NRG3: variants seen among roughly 807,000 people sequenced by gnomAD.
NRG3 encodes neuregulin 3, also known as pro-neuregulin-3, membrane-bound isoform.
Under a neutral mutation model 66.9 loss-of-function variants are expected in NRG3, and 31 were observed. The ratio of observed to expected loss-of-function variants is 0.46; its 90% CI spans 0.35 to 0.63. The LOEUF (loss-of-function observed/expected upper bound fraction) is 0.63. NRG3 is among the 20% of genes least tolerant of loss of function. The probability of loss-of-function intolerance (pLI) is 0.00; values close to 1 mark genes in which losing one functional copy is unlikely to be tolerated. For synonymous variants in NRG3, 393 were observed against 359.4 expected (o/e 1.09, Z -1.06); for missense variants, 910 against 878.9 (o/e 1.04, Z -0.45).
chr10:82,320,250 G>C (rs1337789898), intron 1 of NRG3, among the ~76,000 whole-genome samples: 3 of 152,142 alleles, frequency 2.0e-5, no homozygotes, highest in African/African-American at 7.2e-5. Flanking sequence ...ATGGTGACCA[G>C]GGCAGTTTAC....
At chr10:82,402,021 T>C (rs1314115145) in intron 2 of NRG3, among the ~76,000 whole-genome samples, 1 of 152,152 alleles carries the variant, frequency 6.6e-6, no homozygotes, top group East Asian at 1.9e-4. Context: ...CAGTAATTAA[T>C]CAAATTAGGT....
At chr10:82,099,445 A>G (rs1451619247) in intron 1 of NRG3, among the ~76,000 whole-genome samples, 2 of 152,240 alleles carry the variant, frequency 1.3e-5, no homozygotes, top group East Asian at 3.9e-4. Flanking sequence ...ACATTGTCTT[A>G]ATATGGTAGC....
At chr10:82,604,884 T>C (rs1333353042) in intron 2 of NRG3, among the ~76,000 whole-genome samples, 3 of 152,130 alleles carry the variant, frequency 2.0e-5, no homozygotes, top group African/African-American at 4.8e-5. Context: ...TGTTTATTGC[T>C]GGTGTATAAG....
intron 3 of NRG3, among the ~76,000 whole-genome samples, chr10:82,810,682 G>C (rs556632355): frequency 1.0e-4 from 15 of 146,216 alleles, no homozygotes; most frequent in Non-Finnish European, 1.9e-4. Context: ...AGAATCACTT[G>C]AACCCGGGAG....
intron 1 of NRG3, among the ~76,000 whole-genome samples, chr10:82,326,535 A>T (rs553478812): frequency 6.6e-6 from 1 of 152,074 alleles, no homozygotes; most frequent in Non-Finnish European, 1.5e-5. Flanking sequence ...CATATGTTAT[A>T]TGCCTAATAT....
At chr10:82,366,557 A>C (rs1177037775) in intron 2 of NRG3, among the ~76,000 whole-genome samples, 3 of 152,188 alleles carry the variant, frequency 2.0e-5, no homozygotes, top group African/African-American at 7.2e-5. Flanking sequence ...GGTTTAAAGG[A>C]AATATTATTT....
intron 1 of NRG3, among the ~76,000 whole-genome samples, chr10:82,275,839 A>G (rs2078821965): frequency 6.6e-6 from 1 of 152,072 alleles, no homozygotes; most frequent in Non-Finnish European, 1.5e-5. Context: ...CTGTGCTTTT[A>G]CTTTAAGTTT....
intron 2 of NRG3, among the ~76,000 whole-genome samples, chr10:82,434,429 A>G (rs2090006093): frequency 1.3e-5 from 2 of 152,004 alleles, no homozygotes; most frequent in Non-Finnish European, 2.9e-5. Flanking sequence ...TCCTATTCGA[A>G]TACTCTTTAT....
chr10:81,939,747 T>C (rs998845042), intron 1 of NRG3, among the ~76,000 whole-genome samples: 1 of 151,660 alleles, frequency 6.6e-6, no homozygotes, highest in Non-Finnish European at 1.5e-5. Context: ...TTTTTTCCTA[T>C]TGTGTTTCTA....
At chr10:82,708,015 T>C (rs2056427330) in intron 2 of NRG3, among the ~76,000 whole-genome samples, 2 of 152,068 alleles carry the variant, frequency 1.3e-5, no homozygotes, top group African/African-American at 4.8e-5. Flanking sequence ...CAGTAGACTC[T>C]GTCTCAAAAT....
intron 2 of NRG3, among the ~76,000 whole-genome samples, chr10:82,584,225 T>C (rs1343691490): frequency 6.6e-6 from 1 of 152,112 alleles, no homozygotes; most frequent in Non-Finnish European, 1.5e-5. Context: ...TAGCTGGGAT[T>C]ACAGGAGTGT....
chr10:82,193,981 G>A (rs1479480152), intron 1 of NRG3, among the ~76,000 whole-genome samples: 2 of 152,164 alleles, frequency 1.3e-5, no homozygotes, highest in African/African-American at 2.4e-5. Context: ...GTTCCACAGC[G>A]AGGAAGAATT....
intron 2 of NRG3, among the ~76,000 whole-genome samples, chr10:82,442,379 T>C (rs372365013): frequency 3.4e-4 from 52 of 152,312 alleles, no homozygotes; most frequent in African/African-American, 1.2e-3. Flanking sequence ...TCATAGAAAG[T>C]TCTTTGGCCT....
At chr10:82,954,117 G>A (rs542718609) in intron 5 of NRG3, among the ~76,000 whole-genome samples, 1 of 152,044 alleles carries the variant, frequency 6.6e-6, no homozygotes, top group Admixed American at 6.5e-5. Context: ...CCTGGAGCAC[G>A]AGAGTGGTAA....
At chr10:82,777,275 G>A (rs2059945915) in intron 3 of NRG3, among the ~76,000 whole-genome samples, 1 of 152,096 alleles carries the variant, frequency 6.6e-6, no homozygotes, top group South Asian at 2.1e-4. Flanking sequence ...ATGGTTCTTG[G>A]TGATAAGGGC....
intron 3 of NRG3, among the ~76,000 whole-genome samples, chr10:82,830,405 A>G (rs1374159925): frequency 2.0e-5 from 3 of 152,188 alleles, no homozygotes; most frequent in Non-Finnish European, 4.4e-5. Context: ...ATTTAATTTC[A>G]TTGGAAACCA....
intron 2 of NRG3, among the ~76,000 whole-genome samples, chr10:82,409,471 A>T (rs575108823): frequency 1.4e-5 from 2 of 139,534 alleles, no homozygotes; most frequent in East Asian, 4.5e-4. Context: ...AAAGAGTCTA[A>T]TGAATCTAAT....
intron 3 of NRG3, among the ~76,000 whole-genome samples, chr10:82,793,889 G>A (rs1237787952): frequency 1.3e-5 from 2 of 152,084 alleles, no homozygotes; most frequent in African/African-American, 4.8e-5. Context: ...AGTAGATTCT[G>A]CCCCACTAGA....
At chr10:82,777,007 G>C (rs1408246425) in intron 3 of NRG3, among the ~76,000 whole-genome samples, 1 of 151,948 alleles carries the variant, frequency 6.6e-6, no homozygotes, top group Non-Finnish European at 1.5e-5. Context: ...TTGTGTCCCT[G>C]TGTTGATATC....
Sources: allele counts gnomAD v4.1 joint callset (sites outside exome capture counted in the v4.1 genomes callset), GRCh38; gene constraint gnomAD v4.1.1; transcripts MANE v1.5; gene names NCBI Gene and HGNC (gene_info 2026-07-23, HGNC 2026-07-21).